FERMT2: variants seen among roughly 807,000 people sequenced by gnomAD.
FERMT2 encodes the protein FERM domain containing kindlin 2, also known as fermitin family homolog 2.
FERMT2 carries 15 observed loss-of-function variants against 82.7 expected under a neutral mutation model. The observed-to-expected ratio is 0.18, with a 90% CI of 0.12 to 0.28. The LOEUF (loss-of-function observed/expected upper bound fraction) is 0.28, where lower values mean the gene tolerates loss of function less well. Ranked by LOEUF, FERMT2 falls within the 10% of genes least tolerant of loss-of-function variation. The pLI, the probability that FERMT2 is intolerant of heterozygous loss-of-function variation, is 1.00. For synonymous variants in FERMT2, 274 were observed against 271.5 expected (o/e 1.01, Z -0.09); for missense variants, 645 against 809.4 (o/e 0.80, Z 2.46).
At chr14:52,905,112 C>G (rs1205332273) in intron 3 of FERMT2, among the ~76,000 whole-genome samples, 1 of 149,130 alleles carries the variant, frequency 6.7e-6, no homozygotes, top group African/African-American at 2.5e-5. Context: ...TCGCTTGAAC[C>G]GGGGAGGCAG....
intron 2 of FERMT2, among the ~76,000 whole-genome samples, chr14:52,942,045 A>C (rs1343485635): frequency 6.6e-6 from 1 of 152,074 alleles, no homozygotes; most frequent in Admixed American, 6.5e-5. Context: ...AGCAATCCTA[A>C]ACTAAGCTTT....
At chr14:52,870,565 G>C (rs954221474) in intron 10 of FERMT2, among the ~76,000 whole-genome samples, 2 of 152,078 alleles carry the variant, frequency 1.3e-5, no homozygotes, top group African/African-American at 4.8e-5. Context: ...ACCTTTTCTA[G>C]ATTTAGATAT....
chr14:52,860,231 G>T, intron 13 of FERMT2, 110 bp downstream of exon 13: 1 of 793,148 alleles, frequency 1.3e-6, no homozygotes, highest in Non-Finnish European at 2.0e-6. Context: ...TGTAATATGA[G>T]TTAATGGGTC....
chr14:52,892,572 A>T (rs1038131572), intron 4 of FERMT2, among the ~76,000 whole-genome samples: 5 of 147,364 alleles, frequency 3.4e-5, no homozygotes, highest in African/African-American at 1.0e-4. Flanking sequence ...CTCCTGCCTC[A>T]CTCTCCCAAG....
intron 10 of FERMT2, among the ~76,000 whole-genome samples, chr14:52,869,789 G>C (rs1291168369): frequency 1.3e-5 from 2 of 152,118 alleles, no homozygotes; most frequent in Non-Finnish European, 2.9e-5. Flanking sequence ...TCCAGAAGAA[G>C]GCATTGTTAC....
chr14:52,939,655 G>A (rs1321458038), intron 2 of FERMT2, among the ~76,000 whole-genome samples: 1 of 152,154 alleles, frequency 6.6e-6, no homozygotes. Context: ...ACAGCCCAAG[G>A]TCATACAGCT....
At chr14:52,926,149 A>AAAAGGAAAATGGTTATCTAC (rs59388902) in intron 2 of FERMT2, among the ~76,000 whole-genome samples, 125,452 of 151,996 alleles carry the variant, frequency 0.83, 51,995 homozygotes, top group East Asian at 0.99. Flanking sequence ...TGATGACTTT[A>AAAAGGAAAATGGTTATCTAC]AAATACTTAC....
chr14:52,861,151 C>A, intron 12 of FERMT2: 1 of 854,574 alleles, frequency 1.2e-6, no homozygotes, highest in Non-Finnish European at 1.8e-6. Context: ...AAAATTCCAG[C>A]CAAAAGTCAT....
At chr14:52,950,769 C>A (rs1404337113) in intron 1 of FERMT2, 152 bp downstream of exon 1, 1 of 528,450 alleles carries the variant, frequency 1.9e-6, no homozygotes, top group East Asian at 3.5e-5. Context: ...CAGCGTTCCT[C>A]GGTCCCGGCG....
At chr14:52,932,163 T>TGTAG (rs1170156089) in intron 2 of FERMT2, among the ~76,000 whole-genome samples, 1 of 152,210 alleles carries the variant, frequency 6.6e-6, no homozygotes. Context: ...AGTTAGCATA[T>TGTAG]GTAGGAATTA....
intron 3 of FERMT2, among the ~76,000 whole-genome samples, chr14:52,918,243 T>C (rs1888732309): frequency 6.6e-6 from 1 of 152,228 alleles, no homozygotes; most frequent in South Asian, 2.1e-4. Context: ...TCTAAGACAT[T>C]ACTAAGTTTA....
In FERMT2 at chr14:52,950,518, C is replaced by T. The variant is rs751123308; in HGVS notation, c.51G>A (p.Thr17=). Residue 17 remains threonine (T), a synonymous_variant, in exon 2 of 15, where the codon ACG becomes ACA. Transcript: ENST00000341590. ...CCGTCACATGGACACTCAGTTCCCA[C>T]GTCCCGTCCGCGTAGCAGCCATCTG... ...RMPDGCYADG[T]WELSVHVTDL... 3.1e-6 allele frequency: 5 copies of T among 1,614,044 alleles called. No homozygotes were observed. The African/African-American group carries it at 6.7e-5, about 22-fold the overall frequency.
intron 7 of FERMT2, among the ~76,000 whole-genome samples, chr14:52,877,574 CTTTTTTTT>C (rs34676786): frequency 8.9e-5 from 6 of 67,064 alleles, no homozygotes; most frequent in South Asian, 8.1e-4. Context: ...GCTGTTCTTG[CTTTTTTTT>C]TTTTTTTTTT....
In FERMT2 at chr14:52,890,021, C is replaced by T. The variant is rs148117727; in HGVS notation, c.526+3272G>A. Among the ~76,000 whole-genome samples, 1,125 of 151,122 alleles carry T rather than the reference C, an allele frequency of 7.4e-3. 6 individuals carry two copies. The highest frequency in any genetic ancestry group is 9.9e-3 in the Non-Finnish European group (669 of 67,844). On this transcript the variant is annotated intron_variant, in intron 4 of 14. Transcript: ENST00000341590. Reference sequence around the variant, plus strand: ...GTGTGCGCCTATAGTCTCAGCTACTCAGGAGGCCGAGGCAGGAGAATTGCC... The same window carrying T: ...GTGTGCGCCTATAGTCTCAGCTACTTAGGAGGCCGAGGCAGGAGAATTGCC...
At chr14:52,864,895 T>G (rs559691378) in intron 10 of FERMT2, 42 bp from the exon 11 acceptor site, 1 of 1,153,408 alleles carries the variant, frequency 8.7e-7, no homozygotes, top group East Asian at 2.4e-5. Flanking sequence ...AATTTACTTT[T>G]AAGAAATCTC....
chr14:52,896,073 TA>T (rs1314142497), intron 3 of FERMT2, among the ~76,000 whole-genome samples: 1 of 152,124 alleles, frequency 6.6e-6, no homozygotes, highest in Non-Finnish European at 1.5e-5. Flanking sequence ...ATTTAAAAAA[TA>T]AAGTAATCGC....
chr14:52,898,715 A>T (rs896480998), intron 3 of FERMT2, among the ~76,000 whole-genome samples: 1 of 125,846 alleles, frequency 7.9e-6, no homozygotes, highest in East Asian at 2.3e-4. Context: ...CATTAAGTGG[A>T]GGCAGGGTGG....
intron 1 of FERMT2, 44 bp from the exon 2 acceptor site, chr14:52,950,621 A>T (rs1890587176): frequency 1.3e-6 from 2 of 1,586,350 alleles, no homozygotes; most frequent in Non-Finnish European, 1.7e-6. Flanking sequence ...TCACTCCCCC[A>T]AAGAAAGGCG....
intron 3 of FERMT2, among the ~76,000 whole-genome samples, chr14:52,911,554 G>C (rs1888311763): frequency 6.6e-6 from 1 of 151,956 alleles, no homozygotes; most frequent in Admixed American, 6.6e-5. Context: ...GGGAGGCTGA[G>C]GCAGGAGAAT....
Sources: allele counts gnomAD v4.1 joint callset (sites outside exome capture counted in the v4.1 genomes callset), GRCh38; gene constraint gnomAD v4.1.1; transcripts MANE v1.5; gene names NCBI Gene and HGNC (gene_info 2026-07-23, HGNC 2026-07-21).